Variants in TOX observed in about 807,000 individuals in gnomAD.
TOX encodes the protein thymocyte selection-associated high mobility group box protein TOX.
Under a neutral mutation model 53.7 loss-of-function variants are expected in TOX, and 11 were observed. The observed-to-expected ratio is 0.20, with a 90% confidence interval of 0.13 to 0.34. TOX has a LOEUF of 0.34. Ranked by LOEUF, TOX falls within the 10% of genes least tolerant of loss-of-function variation. The pLI is 1.00. For missense variants in TOX, 570 were observed against 664.6 expected (o/e 0.86, Z 1.56); for synonymous variants, 225 against 245.3 (o/e 0.92, Z 0.77).
rs754011640 is a variant in TOX, at chr8:58,807,790, G to A, written c.1545-7C>T. ...TTTGTCCCTCTGCATGCCCCTGTAG[G>A]AAGAGAAAAAAGACAGTTCCTTGTT... On this transcript the variant is annotated splice_region_variant and splice_polypyrimidine_tract_variant and intron_variant, in intron 8 of 8. Coordinates refer to ENST00000361421, the MANE Select transcript of TOX (RefSeq NM_014729.3). 1 of 1,614,040 alleles carries A rather than the reference G, an allele frequency of 6.2e-7. No individual in the cohort carries two copies. Among genetic ancestry groups the A allele is most frequent in the South Asian group, 1.1e-5 (1 of 91,084 alleles).
chr8:58,969,919 A>G (rs1585932096), intron 1 of TOX, among the ~76,000 whole-genome samples: 1 of 152,338 alleles, frequency 6.6e-6, no homozygotes, highest in South Asian at 2.1e-4. Context: ...ACTTTCTGGA[A>G]TGTCACCATG....
At chr8:58,901,995 G>A (rs192673313) in intron 3 of TOX, among the ~76,000 whole-genome samples, 105 of 152,236 alleles carry the variant, frequency 6.9e-4, no homozygotes, top group Non-Finnish European at 1.0e-3. Context: ...TATTAACATA[G>A]TATTATTTAT....
At position 58,932,852 on chromosome 8, in the gene TOX, G is replaced by A. The variant is rs373903638; in HGVS notation, c.411+6450C>T. Among the ~76,000 whole-genome samples, 28 of 152,254 alleles carry A rather than the reference G, an allele frequency of 1.8e-4. 1 individual carries two copies. In the East Asian group the frequency reaches 5.4e-3, roughly 29 times the overall value. ...AACAGTTGTACAGTGGCCTTTGAAT[G>A]CAAAGTGTACCATGACTGAATGCTA... is the stretch of plus-strand genomic sequence containing the variant. On this transcript the variant is annotated intron_variant, in intron 3 of 8. Coordinates refer to ENST00000361421, the MANE Select transcript of TOX (RefSeq NM_014729.3).
chr8:58,867,750 C>T (rs571902632), intron 3 of TOX, among the ~76,000 whole-genome samples: 4 of 152,160 alleles, frequency 2.6e-5, no homozygotes, highest in East Asian at 1.9e-4. Flanking sequence ...CAGCAGGGCA[C>T]GAATTTGCAC....
intron 1 of TOX, among the ~76,000 whole-genome samples, chr8:59,108,066 C>A (rs1365316651): frequency 1.3e-5 from 2 of 152,156 alleles, no homozygotes. Flanking sequence ...CATTTACTGA[C>A]CAATGTCATT....
intron 1 of TOX, among the ~76,000 whole-genome samples, chr8:59,059,737 T>C (rs536773880): frequency 1.3e-5 from 2 of 152,338 alleles, no homozygotes; most frequent in African/African-American, 4.8e-5. Flanking sequence ...CTACTTGATT[T>C]CCCTTATGTA....
At chr8:59,084,982 C>T (rs1037342436) in intron 1 of TOX, among the ~76,000 whole-genome samples, 2 of 152,110 alleles carry the variant, frequency 1.3e-5, no homozygotes, top group Non-Finnish European at 2.9e-5. Flanking sequence ...AGTCCAGATC[C>T]TACATCTGCT....
chr8:58,837,934 C>A, intron 5 of TOX, 147 bp downstream of exon 5: 2 of 650,690 alleles, frequency 3.1e-6, no homozygotes, highest in East Asian at 2.7e-5. Flanking sequence ...ATTATGTGAA[C>A]GTCTCAGAAA....
chr8:59,047,211 T>G (rs1409685365), intron 1 of TOX, among the ~76,000 whole-genome samples: 24 of 109,912 alleles, frequency 2.2e-4, no homozygotes, highest in South Asian at 1.5e-3. Context: ...TTGTTTTTTT[T>G]TTTTTTTTTT....
At chr8:58,921,502 A>G (rs1016006958) in intron 3 of TOX, among the ~76,000 whole-genome samples, 3 of 152,262 alleles carry the variant, frequency 2.0e-5, no homozygotes, top group African/African-American at 7.2e-5. Flanking sequence ...AGGCCCATAT[A>G]AGTTAAGTGA....
At chr8:58,954,526 C>A (rs1289794910) in intron 2 of TOX, among the ~76,000 whole-genome samples, 1 of 152,284 alleles carries the variant, frequency 6.6e-6, no homozygotes, top group South Asian at 2.1e-4. Context: ...CAAGGACATT[C>A]CTGGTGATGT....
intron 1 of TOX, among the ~76,000 whole-genome samples, chr8:59,106,154 T>C (rs1000584455): frequency 2.0e-5 from 3 of 152,148 alleles, no homozygotes; most frequent in Admixed American, 2.0e-4. Context: ...GAAACAACTG[T>C]ATGAACCTTC....
intron 1 of TOX, among the ~76,000 whole-genome samples, chr8:59,114,059 T>C (rs957036649): frequency 1.2e-4 from 19 of 152,264 alleles, no homozygotes; most frequent in African/African-American, 4.6e-4. Context: ...GAGAACCAGG[T>C]TGGTACCCAG....
intron 3 of TOX, among the ~76,000 whole-genome samples, chr8:58,914,101 A>G (rs1811958878): frequency 6.6e-6 from 1 of 152,238 alleles, no homozygotes; most frequent in African/African-American, 2.4e-5. Context: ...AGTGAAGGTC[A>G]TAGTTCTAAG....
chr8:59,087,527 C>T (rs920248455), intron 1 of TOX, among the ~76,000 whole-genome samples: 4 of 152,190 alleles, frequency 2.6e-5, no homozygotes, highest in Non-Finnish European at 5.9e-5. Context: ...CTGTCCCCCC[C>T]TTTACTCTGT....
At chr8:59,035,532 G>A (rs1243260360) in intron 1 of TOX, among the ~76,000 whole-genome samples, 11 of 152,212 alleles carry the variant, frequency 7.2e-5, no homozygotes, top group Middle Eastern at 3.4e-3. Context: ...ATCGACGCCC[G>A]ACACCAATTT....
Position 58,963,314 on chromosome 8 carries a change from T to TAG in TOX, c.103-3307_103-3306insCT, listed in dbSNP as rs1554533756. Reference sequence around the variant, plus strand: ...TAGAAGATAGATAGATAGATATATATATAGATAGATAGATAGATAGATAGA... The same window carrying TAG: ...TAGAAGATAGATAGATAGATATATATAGATAGATAGATAGATAGATAGATAGA... On this transcript the variant is annotated intron_variant, in intron 1 of 8. Transcript: ENST00000361421. Among the ~76,000 whole-genome samples, 518 of 130,742 alleles carry TAG rather than the reference T, an allele frequency of 4.0e-3. 7 individuals carry two copies. Among genetic ancestry groups the TAG allele is most frequent in the Middle Eastern group, 3.9e-3 (1 of 256 alleles). 85.8% of individuals were successfully genotyped at this position (130,742 alleles called of 152,430 possible). A position where few individuals can be genotyped will look rare whatever the true frequency, so the allele number is the denominator to read the frequency against.
At chr8:58,825,026 A>AT (rs1810343316) in intron 6 of TOX, among the ~76,000 whole-genome samples, 1 of 152,220 alleles carries the variant, frequency 6.6e-6, no homozygotes, top group South Asian at 2.1e-4. Flanking sequence ...TAGAAAAAAT[A>AT]TGTTTAAATA....
intron 3 of TOX, among the ~76,000 whole-genome samples, chr8:58,874,558 T>G (rs549045329): frequency 6.6e-6 from 1 of 152,276 alleles, no homozygotes; most frequent in South Asian, 2.1e-4. Flanking sequence ...CTACTTGTAT[T>G]GGAGTCAATT....
Sources: allele counts gnomAD v4.1 joint callset (sites outside exome capture counted in the v4.1 genomes callset), GRCh38; gene constraint gnomAD v4.1.1; transcripts MANE v1.5; gene names NCBI Gene and HGNC (gene_info 2026-07-23, HGNC 2026-07-21).